ANKFN1: variants seen among roughly 807,000 people sequenced by gnomAD.
ANKFN1 encodes the protein ankyrin repeat and fibronectin type III domain containing 1.
ANKFN1 carries 74 observed loss-of-function variants against 108.7 expected under a neutral mutation model. That is an observed-to-expected ratio of 0.68 (90% CI 0.56 to 0.83). The LOEUF (loss-of-function observed/expected upper bound fraction) is 0.83, where lower values mean the gene tolerates loss of function less well. Ranked by LOEUF, ANKFN1 falls within the 40% of genes least tolerant of loss-of-function variation. The pLI, the probability that ANKFN1 is intolerant of heterozygous loss-of-function variation, is 0.00. For synonymous variants in ANKFN1, 547 were observed against 516.2 expected, an observed-to-expected ratio of 1.06 and a Z score of -0.81; for missense variants, 1,505 against 1,382.3, an observed-to-expected ratio of 1.09 and a Z score of -1.41.
chr17:56,242,960 G>A (rs117695218), intron 3 of ANKFN1, among the ~76,000 whole-genome samples: 1,533 of 152,076 alleles, frequency 0.01, 18 homozygotes, highest in Non-Finnish European at 0.013. Context: ...CCTTTCATGT[G>A]AAATATTCAT....
At chr17:56,204,858 G>A (rs1233082868) in intron 1 of ANKFN1, among the ~76,000 whole-genome samples, 3 of 151,946 alleles carry the variant, frequency 2.0e-5, no homozygotes, top group Non-Finnish European at 4.4e-5. Context: ...GGCGGATCAC[G>A]AGGTCAGGAG....
intron 3 of ANKFN1, among the ~76,000 whole-genome samples, chr17:56,308,249 AG>A: frequency 6.6e-6 from 1 of 151,240 alleles, no homozygotes; most frequent in East Asian, 1.9e-4. Context: ...AAAAAAAAAA[AG>A]AAGTTAAAGC....
chr17:56,176,016 T>A (rs914279150), intron 1 of ANKFN1, among the ~76,000 whole-genome samples: 2 of 152,024 alleles, frequency 1.3e-5, no homozygotes, highest in African/African-American at 4.8e-5. Context: ...GATCTCCTAA[T>A]TTAAATCTAT....
In ANKFN1 at chr17:56,222,742, G is replaced by A. The variant is rs528654101; in HGVS notation, c.13-5175G>A. 2.4e-4 allele frequency among the ~76,000 whole-genome samples: 37 copies of A among 152,304 alleles called. 1 individual carries two copies. Among genetic ancestry groups the A allele is most frequent in the African/African-American group, 8.9e-4 (37 of 41,578 alleles). On this transcript the variant is annotated intron_variant, in intron 2 of 20. Coordinates refer to ENST00000682825, the MANE Select transcript of ANKFN1 (RefSeq NM_001370326.1). The stretch of plus-strand genomic sequence containing the variant: ...GCATGCTAAGTGAAAAATACACATA[G>A]AGGACACATCTTATTGTTGATAGAG...
intron 3 of ANKFN1, among the ~76,000 whole-genome samples, chr17:56,324,224 A>T (rs984111141): frequency 6.6e-6 from 1 of 152,208 alleles, no homozygotes; most frequent in African/African-American, 2.4e-5. Context: ...AAATTTTTCT[A>T]GGGTATGTCA....
chr17:56,130,052 C>T lies in ANKFN1; in HGVS notation c.288+83727C>T, dbSNP rs553619697. On this transcript the variant is annotated intron_variant, in intron 4 of 12. Coordinates refer to the ANKFN1 transcript ENST00000635860. Reference sequence around the variant, plus strand: ...CTATAGATTAGAGCCGTCCCAGGGCCGCTCAGACAGTTGGTGCTTCTAGAC... The same window carrying T: ...CTATAGATTAGAGCCGTCCCAGGGCTGCTCAGACAGTTGGTGCTTCTAGAC... Among the ~76,000 whole-genome samples the T allele has an allele frequency of 7.9e-5, 12 of 152,328 alleles. 1 individual carries two copies. The South Asian group carries it at 1.5e-3, about 18-fold the overall frequency.
chr17:56,326,744 G>A (rs1298392111), intron 4 of ANKFN1, among the ~76,000 whole-genome samples: 1 of 152,124 alleles, frequency 6.6e-6, no homozygotes, highest in African/African-American at 2.4e-5. Context: ...ACACCTGTTG[G>A]GTCAGGTAAA....
In ANKFN1 at chr17:56,374,581, T is replaced by C; in HGVS notation, c.797-20T>C. 2.6e-6 allele frequency: 4 copies of C among 1,562,930 alleles called. No individual in the cohort carries two copies. The highest frequency in any genetic ancestry group is 3.5e-6 in the Non-Finnish European group (4 of 1,134,120). ...AGGATTTGCTATGTTAAGATCCTTG[T>C]GTTTTTCCTTCTGTCCCAGGAGCCC... On this transcript the variant is annotated intron_variant, in intron 7 of 20. Coordinates refer to ENST00000682825, the MANE Select transcript of ANKFN1 (RefSeq NM_001370326.1).
intron 4 of ANKFN1, among the ~76,000 whole-genome samples, chr17:56,142,247 G>A (rs1318344107): frequency 1.3e-5 from 2 of 151,940 alleles, no homozygotes; most frequent in Admixed American, 6.6e-5. Flanking sequence ...CTTACTTTAT[G>A]GTCTAGGGAG....
chr17:56,352,958 G>A (rs913023746), intron 5 of ANKFN1, among the ~76,000 whole-genome samples: 1 of 152,146 alleles, frequency 6.6e-6, no homozygotes, highest in East Asian at 1.9e-4. Context: ...GATGGAGAGG[G>A]AGGGGTGAGT....
intron 3 of ANKFN1, among the ~76,000 whole-genome samples, chr17:56,298,889 G>A (rs960671702): frequency 2.6e-5 from 4 of 152,114 alleles, no homozygotes; most frequent in African/African-American, 9.7e-5. Context: ...ATTTATACAG[G>A]AGAGTTAAGT....
intron 4 of ANKFN1, among the ~76,000 whole-genome samples, chr17:56,345,274 T>C (rs2046066727): frequency 1.3e-5 from 2 of 152,206 alleles, no homozygotes; most frequent in South Asian, 2.1e-4. Flanking sequence ...TGCCACATTT[T>C]CTTTATCCAG....
At chr17:56,446,591 G>A (rs1172314703) in intron 10 of ANKFN1, among the ~76,000 whole-genome samples, 1 of 152,142 alleles carries the variant, frequency 6.6e-6, no homozygotes, top group East Asian at 1.9e-4. Flanking sequence ...CTGTGCCCCA[G>A]ATGGTGCTTT....
In ANKFN1 at chr17:56,373,932, C is replaced by A. The variant is rs138268786; in HGVS notation, c.797-669C>A. ...TCTACGTGTTAAGCAATACTAAAAG[C>A]CATCAGGAGTCCTTTAAAACCTGAG... On this transcript the variant is annotated intron_variant, in intron 7 of 20. Transcript: ENST00000682825. 7.7e-4 allele frequency among the ~76,000 whole-genome samples: 118 copies of A among 152,272 alleles called. 1 individual carries two copies. The South Asian group carries it at 0.013, about 17-fold the overall frequency.
intron 8 of ANKFN1, among the ~76,000 whole-genome samples, chr17:56,396,398 A>C (rs894039992): frequency 6.6e-6 from 1 of 152,204 alleles, no homozygotes; most frequent in Non-Finnish European, 1.5e-5. Context: ...CAGTGAGCTG[A>C]GATTGCGCCA....
At chr17:56,255,150 G>A (rs377560016) in intron 3 of ANKFN1, among the ~76,000 whole-genome samples, 44 of 152,280 alleles carry the variant, frequency 2.9e-4, no homozygotes, top group African/African-American at 7.7e-4. Context: ...ACTCTTGGAC[G>A]ATTCCCTTTT....
intron 3 of ANKFN1, chr17:56,252,383 T>C (rs891240477): frequency 6.6e-6 from 1 of 152,240 alleles, no homozygotes; most frequent in African/African-American, 2.4e-5. Context: ...GTATTTCTAG[T>C]CCAGTTGCAT....
chr17:56,471,847 T>C (rs1692068479), intron 15 of ANKFN1: 1 of 152,168 alleles, frequency 6.6e-6, no homozygotes, highest in South Asian at 2.1e-4. Flanking sequence ...GGCAAATCCA[T>C]GCAGACAGAA....
At chr17:56,471,026 A>G (rs902969851) in intron 15 of ANKFN1, 1 of 152,166 alleles carries the variant, frequency 6.6e-6, no homozygotes, top group African/African-American at 2.4e-5. Flanking sequence ...CATGTGTACT[A>G]TATATTCAAC....
Sources: gnomAD v4.1 joint callset for allele counts (sites outside exome capture counted in the v4.1 genomes callset) on GRCh38, gnomAD v4.1.1 for gene constraint, MANE v1.5 for transcripts, NCBI Gene and HGNC (gene_info 2026-07-23, HGNC 2026-07-21) for gene names.